The following EDNRB variants were observed in gnomAD, a reference collection of about 807,000 sequenced individuals.
The protein encoded by EDNRB is Hirschsprung disease 2.
EDNRB carries 18 observed loss-of-function variants against 46.4 expected under a neutral mutation model. That is an observed-to-expected ratio of 0.39 (90% CI 0.27 to 0.57). The LOEUF (loss-of-function observed/expected upper bound fraction) is 0.57. Among genes scored for constraint, EDNRB ranks in the 20% least tolerant of loss-of-function variants. EDNRB has a pLI of 0.61. For synonymous variants in EDNRB, 213 were observed against 204.9 expected (o/e 1.04, Z -0.34); for missense variants, 434 against 537.5 (o/e 0.81, Z 1.90).
rs911322089 is a variant in EDNRB at position 77,918,034 on chromosome 13, G to T, written c.483+57C>A. ...CCTCTACAAGCTTTCTCATCTCCCCGTCTCCAACCAGGCCCCCTTCCTCAA... is the reference window on the plus strand; with the variant it reads ...CCTCTACAAGCTTTCTCATCTCCCCTTCTCCAACCAGGCCCCCTTCCTCAA... On this transcript the variant is annotated intron_variant, in intron 1 of 6. Transcript: ENST00000646607. This position sits in a 1 kb window ranked among gnomAD's most constrained non-coding sequence, Gnocchi z 4.5. The T allele has an allele frequency of 5.6e-6, 9 of 1,612,298 alleles. No homozygotes were observed. The highest frequency in any genetic ancestry group is 7.6e-6 in the Non-Finnish European group (9 of 1,179,838).
chr13:77,966,733 G>A (rs1881593404), intron 1 of EDNRB, among the ~76,000 whole-genome samples: 1 of 152,144 alleles, frequency 6.6e-6, no homozygotes, highest in Admixed American at 6.5e-5. Context: ...GCAGAGATCT[G>A]GATGGGGTTT....
At chr13:77,967,621 T>C (rs1355354031) in intron 1 of EDNRB, among the ~76,000 whole-genome samples, 1 of 152,206 alleles carries the variant, frequency 6.6e-6, no homozygotes, top group Non-Finnish European at 1.5e-5. Flanking sequence ...TCTATTTCAA[T>C]AGTGCAACCT....
At chr13:77,917,831 G>A (rs1879885891) in intron 1 of EDNRB, among the ~76,000 whole-genome samples, 1 of 152,156 alleles carries the variant, frequency 6.6e-6, no homozygotes, top group African/African-American at 2.4e-5. Context: ...TACTAACATT[G>A]CTAGACTGGG....
chr13:77,971,906 C>T (rs1463543156), intron 1 of EDNRB, among the ~76,000 whole-genome samples: 1 of 152,170 alleles, frequency 6.6e-6, no homozygotes, highest in Non-Finnish European at 1.5e-5. Context: ...AGTTATTCGG[C>T]AGAGTGCCCA....
intron 1 of EDNRB, among the ~76,000 whole-genome samples, chr13:77,969,922 T>C (rs1233281294): frequency 6.6e-6 from 1 of 152,182 alleles, no homozygotes; most frequent in Non-Finnish European, 1.5e-5. Flanking sequence ...CCTGCATGTA[T>C]CTGATTTTGT....
At position 77,897,012 on chromosome 13, in the gene EDNRB, G is replaced by T; in HGVS notation, c.*1188C>A. The T allele has an allele frequency of 4.0e-6, 4 of 990,430 alleles. No homozygotes were observed. The highest frequency in any genetic ancestry group is 4.8e-6 in the Non-Finnish European group (4 of 833,516). 61.4% of individuals were successfully genotyped at this position (990,430 alleles called of 1,614,324 possible). A position where few individuals can be genotyped will look rare whatever the true frequency, so the allele number is the denominator to read the frequency against. On this transcript the variant is annotated 3_prime_UTR_variant, in exon 7 of 7. Coordinates refer to ENST00000646607, the MANE Select transcript of EDNRB (RefSeq NM_001122659.3). Reference sequence around the variant, plus strand: ...AAATTAGTAATAAGCTTTACAGGTAGCTGTTAAATGTACTAATCTGTATGA... The same window carrying T: ...AAATTAGTAATAAGCTTTACAGGTATCTGTTAAATGTACTAATCTGTATGA...
intron 1 of EDNRB, among the ~76,000 whole-genome samples, chr13:77,956,900 C>G (rs147396203): frequency 1.4e-3 from 211 of 152,270 alleles, no homozygotes; most frequent in African/African-American, 4.9e-3. Context: ...TAGATGGGGC[C>G]TATCCAGATA....
At chr13:77,909,454 A>C (rs1879459391) in intron 1 of EDNRB, among the ~76,000 whole-genome samples, 1 of 152,016 alleles carries the variant, frequency 6.6e-6, no homozygotes, top group South Asian at 2.1e-4. Flanking sequence ...ATGAAGAAAA[A>C]AAATCCTGTT....
At position 77,898,025 on chromosome 13, in the gene EDNRB, A is replaced by C; in HGVS notation, c.*175T>G. ...CCACTGATTTTCTTTCCATGCCGTA[A>C]ACAGCTCATAAAATGTCATATGTAG... On this transcript the variant is annotated 3_prime_UTR_variant, in exon 7 of 7. Coordinates refer to ENST00000646607, the MANE Select transcript of EDNRB (RefSeq NM_001122659.3). 1 of 1,412,290 alleles carries C rather than the reference A, an allele frequency of 7.1e-7. No individual in the cohort carries two copies. Among genetic ancestry groups the C allele is most frequent in the Non-Finnish European group, 9.2e-7 (1 of 1,086,060 alleles). 87.5% of individuals were successfully genotyped at this position (1,412,290 alleles called of 1,614,324 possible).
intron 1 of EDNRB, among the ~76,000 whole-genome samples, chr13:77,940,556 G>C (rs1360396852): frequency 6.6e-6 from 1 of 152,206 alleles, no homozygotes; most frequent in East Asian, 1.9e-4. Flanking sequence ...AGTAGACGTG[G>C]AGAAACAGGA....
At chr13:77,927,590 C>T in intron 1 of EDNRB, among the ~76,000 whole-genome samples, 1 of 152,296 alleles carries the variant, frequency 6.6e-6, no homozygotes, top group Admixed American at 6.5e-5. Flanking sequence ...TTGGAAAAGT[C>T]AGTGAATGAT....
intron 1 of EDNRB, among the ~76,000 whole-genome samples, chr13:77,974,171 C>CT (rs12720121): frequency 0.023 from 3,480 of 151,098 alleles, 61 homozygotes; most frequent in Non-Finnish European, 0.032. Flanking sequence ...GTATAGATGG[C>CT]TTTTTTTTTC....
intron 4 of EDNRB, 81 bp from the exon 5 acceptor site, chr13:77,900,735 AT>A: frequency 6.3e-7 from 1 of 1,584,286 alleles, no homozygotes; most frequent in Non-Finnish European, 8.6e-7. Context: ...GACATTTAAT[AT>A]TGTCTACAAA....
chr13:77,962,784 G>A (rs1881465206), intron 1 of EDNRB, among the ~76,000 whole-genome samples: 1 of 152,074 alleles, frequency 6.6e-6, no homozygotes, highest in Non-Finnish European at 1.5e-5. Flanking sequence ...CAATCAGGCA[G>A]GAGAAAGAAA....
At chr13:77,968,089 A>G (rs1001553573) in intron 1 of EDNRB, among the ~76,000 whole-genome samples, 1 of 152,208 alleles carries the variant, frequency 6.6e-6, no homozygotes, top group African/African-American at 2.4e-5. Context: ...ATATTACACC[A>G]TATGAAATCA....
chr13:77,953,370 A>G (rs1249327241), intron 1 of EDNRB, among the ~76,000 whole-genome samples: 1 of 146,554 alleles, frequency 6.8e-6, no homozygotes, highest in Non-Finnish European at 1.5e-5. Context: ...TAAAATATAA[A>G]TATATATATA....
chr13:77,900,064 A>G (rs376982907), intron 5 of EDNRB, 97 bp from the exon 6 acceptor site: 4 of 962,830 alleles, frequency 4.2e-6, no homozygotes, highest in African/African-American at 3.2e-5. Context: ...AAAAATGCCA[A>G]TATACAATGG....
chr13:77,968,888 A>T (rs1457680141), intron 1 of EDNRB, among the ~76,000 whole-genome samples: 2 of 152,202 alleles, frequency 1.3e-5, no homozygotes, highest in African/African-American at 4.8e-5. Flanking sequence ...TTCAGGTCTC[A>T]GATTGTTCTT....
At chr13:77,924,786 C>T (rs1401374955) in intron 1 of EDNRB, among the ~76,000 whole-genome samples, 1 of 152,076 alleles carries the variant, frequency 6.6e-6, no homozygotes, top group Non-Finnish European at 1.5e-5. Flanking sequence ...GCAGGTCTTT[C>T]CTGTGCTGTT....
Sources: allele counts gnomAD v4.1 joint callset (sites outside exome capture counted in the v4.1 genomes callset), GRCh38; gene constraint gnomAD v4.1.1; non-coding constraint Gnocchi (gnomAD v3.1); transcripts MANE v1.5; gene names NCBI Gene and HGNC (gene_info 2026-07-23, HGNC 2026-07-21).